CLIP1: variants seen among roughly 807,000 people sequenced by gnomAD.
CLIP1 encodes the protein CAP-Gly domain containing linker protein 1.
CLIP1 carries 66 observed loss-of-function variants against 161.6 expected under a neutral mutation model. That is an observed-to-expected ratio of 0.41 (90% CI 0.33 to 0.50). The LOEUF is 0.50. Ranked by LOEUF, CLIP1 falls within the 20% of genes least tolerant of loss-of-function variation. CLIP1 has a pLI of 0.27. For missense variants in CLIP1, 1,376 were observed against 1,702.0 expected (o/e 0.81, Z 3.37); for synonymous variants, 598 against 626.2 (o/e 0.96, Z 0.67).
intron 1 of CLIP1, among the ~76,000 whole-genome samples, chr12:122,407,106 A>C (rs573596835): frequency 6.6e-6 from 1 of 152,304 alleles, no homozygotes; most frequent in East Asian, 1.9e-4. Flanking sequence ...AGTATCTCCC[A>C]GAAGAACTTA....
Position 122,272,833 on chromosome 12 carries a change from C to T in CLIP1, c.*42G>A, listed in dbSNP as rs777221452. On this transcript the variant is annotated 3_prime_UTR_variant, in exon 26 of 26. Transcript: ENST00000620786. ...ATGCTGGTGTTACGTTGTGTCAATGCGAGTGCGTCTGAGCAAGCCCAGTTC... is the reference window on the plus strand; with the variant it reads ...ATGCTGGTGTTACGTTGTGTCAATGTGAGTGCGTCTGAGCAAGCCCAGTTC... 9.1e-6 allele frequency: 14 copies of T among 1,540,660 alleles called. No individual in the cohort carries two copies. The highest frequency in any genetic ancestry group is 2.2e-5 in the East Asian group (1 of 44,532).
Position 122,364,092 on chromosome 12 carries a change from C to A in CLIP1, c.673G>T (p.Ala225Ser). 6.2e-7 allele frequency: 1 copy of A among 1,614,154 alleles called. No homozygotes were observed. The change falls in exon 4 of 26, where the codon GCT becomes TCT. Residue 225 changes from alanine to serine, a missense_variant. Transcript: ENST00000620786. Reference sequence around the variant, plus strand: ...TCCCCAAGAAACCGGACTACACCAGCCTTAGTGCCACCAACCTGGAAGAAG... The same window carrying A: ...TCCCCAAGAAACCGGACTACACCAGACTTAGTGCCACCAACCTGGAAGAAG... ...GDRVLVGGTK[A>S]GVVRFLGETD...
At chr12:122,348,246 A>T (rs531776952) in intron 9 of CLIP1, among the ~76,000 whole-genome samples, 120 of 152,266 alleles carry the variant, frequency 7.9e-4, no homozygotes, top group African/African-American at 2.9e-3. Context: ...CCAGGGAGGG[A>T]AAAAAGGACT....
chr12:122,290,513 A>G (rs1166620905), intron 20 of CLIP1, among the ~76,000 whole-genome samples: 1 of 152,216 alleles, frequency 6.6e-6, no homozygotes, highest in Non-Finnish European at 1.5e-5. Flanking sequence ...TAAAGAAGGA[A>G]TCTGTTTTAG....
intron 20 of CLIP1, among the ~76,000 whole-genome samples, chr12:122,298,445 TA>T (rs978637179): frequency 6.7e-6 from 1 of 150,292 alleles, no homozygotes; most frequent in Non-Finnish European, 1.5e-5. Context: ...CCACTAAAAA[TA>T]AAAAAAAATT....
chr12:122,364,923 A>G (rs895288189), intron 3 of CLIP1: 6 of 540,332 alleles, frequency 1.1e-5, no homozygotes, highest in African/African-American at 7.7e-5. Context: ...TGATGAGTTC[A>G]TGTCCTTTGT....
chr12:122,392,786 T>C (rs1955714650), intron 1 of CLIP1, among the ~76,000 whole-genome samples: 1 of 152,138 alleles, frequency 6.6e-6, no homozygotes, highest in Non-Finnish European at 1.5e-5. Context: ...AAATTGTTTT[T>C]TGGTTTTTTT....
chr12:122,304,645 G>A (rs1244541117), intron 20 of CLIP1, among the ~76,000 whole-genome samples: 1 of 152,244 alleles, frequency 6.6e-6, no homozygotes, highest in Non-Finnish European at 1.5e-5. Flanking sequence ...ACAGGCGTGA[G>A]CCTCCACGTC....
chr12:122,362,742 T>C (rs891407517), intron 4 of CLIP1, among the ~76,000 whole-genome samples: 2 of 131,796 alleles, frequency 1.5e-5, no homozygotes, highest in Admixed American at 7.7e-5. Context: ...TAAAGTACTC[T>C]GCAAGTATAG....
Position 122,277,995 on chromosome 12 carries a change from A to G in CLIP1, c.3966+159T>C, listed in dbSNP as rs1592957457. On this transcript the variant is annotated intron_variant, in intron 24 of 25. Transcript: ENST00000620786. ...GTTTGGAGGAAGACATTTAATGTAT[A>G]TATTTTTAATTCTGTTTAATGTTTG... 4 of 694,318 alleles carry G rather than the reference A, an allele frequency of 5.8e-6. No homozygotes were observed. In the East Asian group the frequency reaches 7.5e-5, roughly 13 times the overall value. The allele number at this position is 694,318 out of a possible 1,614,324, so 43.0% of individuals were successfully genotyped here. A position where few individuals can be genotyped will look rare whatever the true frequency, so the allele number is the denominator to read the frequency against.
chr12:122,370,037 C>A (rs987062828), intron 3 of CLIP1, among the ~76,000 whole-genome samples: 1 of 151,962 alleles, frequency 6.6e-6, no homozygotes, highest in Non-Finnish European at 1.5e-5. Flanking sequence ...GTGGCTCACG[C>A]CTGTAGTCCC....
chr12:122,319,389 C>CACCTAACGGTGTTGGCGAGG, intron 17 of CLIP1, 41 bp from the exon 18 acceptor site: 2 of 1,446,814 alleles, frequency 1.4e-6, no homozygotes, highest in Non-Finnish European at 1.9e-6. Flanking sequence ...GGACAGCCCT[C>CACCTAACGGTGTTGGCGAGG]GCCAACACCG....
At chr12:122,392,962 A>C (rs1392724101) in intron 1 of CLIP1, among the ~76,000 whole-genome samples, 1 of 151,894 alleles carries the variant, frequency 6.6e-6, no homozygotes, top group Non-Finnish European at 1.5e-5. Flanking sequence ...TTGTATTTTT[A>C]GTAGAGACAG....
chr12:122,326,738 C>A (rs1488922093), intron 17 of CLIP1, among the ~76,000 whole-genome samples: 1 of 151,662 alleles, frequency 6.6e-6, no homozygotes, highest in African/African-American at 2.4e-5. Flanking sequence ...GTGGTTTGCT[C>A]AGGCTGAAAC....
At position 122,273,115 on chromosome 12, in the gene CLIP1, G is replaced by T; in HGVS notation, c.4092-15C>A. 2 of 1,597,296 alleles carry T rather than the reference G, an allele frequency of 1.3e-6. No homozygotes were observed. Among genetic ancestry groups the T allele is most frequent in the Non-Finnish European group, 1.7e-6 (2 of 1,168,162 alleles). On this transcript the variant is annotated splice_polypyrimidine_tract_variant and intron_variant, in intron 25 of 25. Transcript: ENST00000620786. ...CCTGATCATCACTACAAATGTTAAT[G>T]TGTGAAATCAGAAAATTTATCAGAA...
Position 122,327,951 on chromosome 12 carries a change from G to A in CLIP1, c.3245C>T (p.Ala1082Val). Residue 1082 changes from alanine (A) to valine (V), a missense_variant, in exon 17 of 26, where the codon GCC becomes GTC. Coordinates refer to ENST00000620786, the MANE Select transcript of CLIP1 (RefSeq NM_001247997.2). ...AAATTCTCTCGCGTCACGTACTTTG[G>A]CTTTGTCGGCTTGCTTTCTCAGCTC... Reference protein sequence around the residue: ...LEELRKQADKAKAAQTAEDAM... With the variant: ...LEELRKQADKVKAAQTAEDAM... 6.2e-7 allele frequency: 1 copy of A among 1,613,902 alleles called. No homozygotes were observed. Among genetic ancestry groups the A allele is most frequent in the Non-Finnish European group, 8.5e-7 (1 of 1,179,920 alleles).
chr12:122,307,421 T>C (rs1950916505), intron 20 of CLIP1, among the ~76,000 whole-genome samples: 1 of 152,190 alleles, frequency 6.6e-6, no homozygotes, highest in Non-Finnish European at 1.5e-5. Context: ...CAACAAATTA[T>C]GGTGCTTCTA....
chr12:122,389,382 G>A (rs938130370), intron 1 of CLIP1, among the ~76,000 whole-genome samples: 38 of 151,972 alleles, frequency 2.5e-4, no homozygotes, highest in African/African-American at 8.7e-4. Flanking sequence ...AACCAGCTGA[G>A]GTATATCCAA....
At chr12:122,379,322 A>C (rs1241585422) in intron 2 of CLIP1, among the ~76,000 whole-genome samples, 3 of 151,298 alleles carry the variant, frequency 2.0e-5, no homozygotes, top group African/African-American at 4.9e-5. Flanking sequence ...AAAAAAAAAA[A>C]CAAAAACCAG....
Sources: gnomAD v4.1 joint callset for allele counts (sites outside exome capture counted in the v4.1 genomes callset) on GRCh38, gnomAD v4.1.1 for gene constraint, MANE v1.5 for transcripts, NCBI Gene and HGNC (gene_info 2026-07-23, HGNC 2026-07-21) for gene names.